The following MSI2 variants were observed in gnomAD, a reference collection of about 807,000 sequenced individuals.
MSI2 encodes musashi RNA binding protein 2.
A neutral mutation model predicts 45.6 loss-of-function variants in MSI2; 17 were observed. That is an observed-to-expected ratio of 0.37 (90% confidence interval 0.26 to 0.56). The LOEUF (loss-of-function observed/expected upper bound fraction) is 0.56, where lower values mean the gene tolerates loss of function less well. Among genes scored for constraint, MSI2 ranks in the 20% least tolerant of loss-of-function variants. The pLI, the probability that MSI2 is intolerant of heterozygous loss-of-function variation, is 0.77. For synonymous variants in MSI2, 156 were observed against 158.2 expected (o/e 0.99, Z 0.11); for missense variants, 293 against 444.2 (o/e 0.66, Z 3.06).
At chr17:57,263,498 A>T (rs1907505058) in intron 5 of MSI2, 1 of 152,214 alleles carries the variant, frequency 6.6e-6, no homozygotes, top group South Asian at 2.1e-4. Context: ...AGGGCTTCCC[A>T]GAGTTAGCAG....
intron 6 of MSI2, among the ~76,000 whole-genome samples, chr17:57,450,571 G>A (rs1598284510): frequency 6.8e-6 from 1 of 148,082 alleles, no homozygotes; most frequent in Non-Finnish European, 1.5e-5. Context: ...TCGGGAGGCT[G>A]AGGCAGGAAA....
At chr17:57,658,240 G>T (rs542395968) in intron 11 of MSI2, among the ~76,000 whole-genome samples, 49 of 152,346 alleles carry the variant, frequency 3.2e-4, no homozygotes, top group Admixed American at 1.0e-3. Context: ...AGCCACATCT[G>T]TGGCCATAGA....
At chr17:57,424,198 T>C (rs1256322903) in intron 6 of MSI2, among the ~76,000 whole-genome samples, 4 of 152,180 alleles carry the variant, frequency 2.6e-5, no homozygotes, top group Non-Finnish European at 5.9e-5. Flanking sequence ...TCTGTTAAGC[T>C]CTTCAAACAA....
intron 7 of MSI2, among the ~76,000 whole-genome samples, chr17:57,542,402 T>C (rs955922322): frequency 6.6e-6 from 1 of 152,170 alleles, no homozygotes; most frequent in Non-Finnish European, 1.5e-5. Flanking sequence ...ACAGGGTTGG[T>C]TAGGAAAGTC....
chr17:57,486,017 G>A (rs895168265), intron 6 of MSI2, among the ~76,000 whole-genome samples: 18 of 152,194 alleles, frequency 1.2e-4, no homozygotes, highest in African/African-American at 3.9e-4. Context: ...GGAGGGGGTC[G>A]GTTTCGCCAA....
chr17:57,544,045 C>T (rs1211862562), intron 7 of MSI2, among the ~76,000 whole-genome samples: 2 of 152,112 alleles, frequency 1.3e-5, no homozygotes, highest in South Asian at 4.1e-4. Flanking sequence ...TATGTTGTCT[C>T]TTTAGGGTTG....
At chr17:57,474,457 C>T (rs115841638) in intron 6 of MSI2, among the ~76,000 whole-genome samples, 2,373 of 152,248 alleles carry the variant, frequency 0.016, 57 homozygotes, top group African/African-American at 0.054. Flanking sequence ...GTCGTGGGCA[C>T]TGTCCTGTGC....
chr17:57,513,798 G>A (rs1318971071), intron 6 of MSI2, among the ~76,000 whole-genome samples: 1 of 151,874 alleles, frequency 6.6e-6, no homozygotes, highest in Non-Finnish European at 1.5e-5. Context: ...GAGATCTACA[G>A]AGACATCTTG....
intron 11 of MSI2, among the ~76,000 whole-genome samples, chr17:57,665,738 G>GACT (rs1385972743): frequency 1.3e-5 from 2 of 152,194 alleles, no homozygotes; most frequent in Non-Finnish European, 2.9e-5. Flanking sequence ...GGTCTTTTAG[G>GACT]ACTGAGATCA....
intron 6 of MSI2, among the ~76,000 whole-genome samples, chr17:57,422,646 A>C (rs1161687910): frequency 6.6e-6 from 1 of 152,216 alleles, no homozygotes; most frequent in East Asian, 1.9e-4. Context: ...CTCATTCTCC[A>C]GCCATCATTG....
chr17:57,391,118 C>T (rs190393779), intron 5 of MSI2, among the ~76,000 whole-genome samples: 19 of 152,296 alleles, frequency 1.2e-4, no homozygotes, highest in Admixed American at 1.1e-3. Context: ...TTGTGTGTTC[C>T]TAAATCCTGC....
chr17:57,272,665 A>G (rs1296937394), intron 5 of MSI2, among the ~76,000 whole-genome samples: 2 of 152,246 alleles, frequency 1.3e-5, no homozygotes, highest in Non-Finnish European at 2.9e-5. Flanking sequence ...GAAGAAGGTG[A>G]GAAACCTAGG....
At chr17:57,567,758 G>A (rs1031333839) in intron 7 of MSI2, among the ~76,000 whole-genome samples, 2 of 152,206 alleles carry the variant, frequency 1.3e-5, no homozygotes, top group South Asian at 4.1e-4. Flanking sequence ...CTGATTACCT[G>A]TCCCCAGGGA....
chr17:57,382,004 G>A (rs956623453), intron 5 of MSI2, among the ~76,000 whole-genome samples: 1 of 152,180 alleles, frequency 6.6e-6, no homozygotes, highest in African/African-American at 2.4e-5. Flanking sequence ...AACCTAACGG[G>A]TAAATACTTA....
At chr17:57,674,303 T>TGG (rs1036150460) in intron 11 of MSI2, among the ~76,000 whole-genome samples, 1 of 150,148 alleles carries the variant, frequency 6.7e-6, no homozygotes, top group African/African-American at 2.5e-5. Context: ...GGATGGAGAA[T>TGG]GGAGATCTTT....
intron 10 of MSI2, among the ~76,000 whole-genome samples, chr17:57,640,662 C>T (rs1007572568): frequency 5.9e-5 from 9 of 152,078 alleles, no homozygotes; most frequent in East Asian, 1.9e-4. Context: ...GTCTTGGGTC[C>T]GACAACTAGT....
intron 6 of MSI2, among the ~76,000 whole-genome samples, chr17:57,443,503 C>G (rs901583385): frequency 2.6e-5 from 4 of 152,294 alleles, no homozygotes; most frequent in Admixed American, 2.6e-4. Context: ...AGTGGGAAAG[C>G]CCTAGAACTT....
At chr17:57,609,301 CT>C (rs147160443) in intron 8 of MSI2, among the ~76,000 whole-genome samples, 13,721 of 152,272 alleles carry the variant, frequency 0.09, 1,244 homozygotes, top group African/African-American at 0.23. Flanking sequence ...ACCCTAGAAG[CT>C]GCAGGACCTC....
chr17:57,669,635 C>T (rs866674247), intron 11 of MSI2, among the ~76,000 whole-genome samples: 1 of 152,138 alleles, frequency 6.6e-6, no homozygotes, highest in East Asian at 1.9e-4. Flanking sequence ...AACAAAAACT[C>T]CTAAAATTCA....
Sources: allele counts gnomAD v4.1 joint callset (sites outside exome capture counted in the v4.1 genomes callset), GRCh38; gene constraint gnomAD v4.1.1; transcripts MANE v1.5; gene names NCBI Gene and HGNC (gene_info 2026-07-23, HGNC 2026-07-21).